IGSF21: variants seen among roughly 807,000 people sequenced by gnomAD.
IGSF21 encodes the protein immunoglobulin superfamily member 21.
A neutral mutation model predicts 46.8 loss-of-function variants in IGSF21; 28 were observed. The ratio of observed to expected loss-of-function variants is 0.60; its 90% CI spans 0.44 to 0.82. The LOEUF (loss-of-function observed/expected upper bound fraction) is 0.82, where lower values mean the gene tolerates loss of function less well. Ranked by LOEUF, IGSF21 falls within the 40% of genes least tolerant of loss-of-function variation. The pLI is 0.00. For synonymous variants in IGSF21, 284 were observed against 273.6 expected, an observed-to-expected ratio of 1.04 and a Z score of -0.38; for missense variants, 624 against 665.5, an observed-to-expected ratio of 0.94 and a Z score of 0.69.
chr1:18,340,658 A>T (rs1443146881), intron 4 of IGSF21, among the ~76,000 whole-genome samples: 1 of 152,224 alleles, frequency 6.6e-6, no homozygotes, highest in Non-Finnish European at 1.5e-5. Context: ...ATTGTCTCAC[A>T]GTGTTAGTCC....
chr1:18,244,670 G>T (rs1483341176), intron 2 of IGSF21, among the ~76,000 whole-genome samples: 3 of 152,194 alleles, frequency 2.0e-5, no homozygotes, highest in Non-Finnish European at 4.4e-5. Context: ...TGCCACAGAG[G>T]CCCCTGCCCT....
intron 1 of IGSF21, among the ~76,000 whole-genome samples, chr1:18,161,818 G>A (rs1022992033): frequency 6.6e-6 from 1 of 152,112 alleles, no homozygotes; most frequent in African/African-American, 2.4e-5. Flanking sequence ...CAAAGGCACA[G>A]AGGCTTGAAA....
intron 2 of IGSF21, among the ~76,000 whole-genome samples, chr1:18,265,217 C>T (rs998250056): frequency 6.6e-5 from 10 of 152,136 alleles, no homozygotes; most frequent in African/African-American, 2.2e-4. Flanking sequence ...TATCACCATC[C>T]AAATGCGTCA....
chr1:18,203,253 C>G (rs17435762), intron 1 of IGSF21, among the ~76,000 whole-genome samples: 1 of 151,996 alleles, frequency 6.6e-6, no homozygotes, highest in Admixed American at 6.6e-5. Flanking sequence ...CTCCTCAAGT[C>G]TAGGGACATG....
chr1:18,200,637 T>C (rs2087063363), intron 1 of IGSF21, among the ~76,000 whole-genome samples: 1 of 152,048 alleles, frequency 6.6e-6, no homozygotes, highest in African/African-American at 2.4e-5. Context: ...ATTCGGGCCC[T>C]TCTTCATCTT....
At chr1:18,359,238 A>T (rs1015848047) in intron 4 of IGSF21, among the ~76,000 whole-genome samples, 1 of 150,624 alleles carries the variant, frequency 6.6e-6, no homozygotes, top group African/African-American at 2.5e-5. Flanking sequence ...TGATTGTGCC[A>T]GTTCACTCCA....
At chr1:18,344,616 G>T (rs999549784) in intron 4 of IGSF21, among the ~76,000 whole-genome samples, 2 of 152,122 alleles carry the variant, frequency 1.3e-5, no homozygotes, top group African/African-American at 4.8e-5. Flanking sequence ...GGACAGCTGT[G>T]GGGGAAGTGG....
In IGSF21 at chr1:18,312,579, C is replaced by G. The variant is rs968751156; in HGVS notation, c.305+20592C>G. 5.3e-5 allele frequency among the ~76,000 whole-genome samples: 8 copies of G among 152,332 alleles called. No individual in the cohort carries two copies. The East Asian group carries it at 1.5e-3, about 29-fold the overall frequency. On this transcript the variant is annotated intron_variant, in intron 3 of 9. Transcript: ENST00000251296. Reference sequence around the variant, plus strand: ...CCTTTTGCAGCTTCTAGAGCCCACCCACATACCTTGGCTTGTGGCCTCTTT... The same window carrying G: ...CCTTTTGCAGCTTCTAGAGCCCACCGACATACCTTGGCTTGTGGCCTCTTT...
At chr1:18,124,410 C>T (rs1270217435) in intron 1 of IGSF21, among the ~76,000 whole-genome samples, 4 of 152,298 alleles carry the variant, frequency 2.6e-5, no homozygotes, top group Middle Eastern at 3.4e-3. Flanking sequence ...GTTAAGCCAC[C>T]GGCTAAGGGG....
chr1:18,137,804 C>T (rs11583067), intron 1 of IGSF21, among the ~76,000 whole-genome samples: 10,835 of 152,108 alleles, frequency 0.071, 567 homozygotes, highest in African/African-American at 0.14. Flanking sequence ...GCTTACTGTG[C>T]GCTGAGAAGT....
rs1013982626 is a variant in IGSF21, at chr1:18,356,037, G to A, written c.425-6078G>A. Among the ~76,000 whole-genome samples, 10 of 152,050 alleles carry A rather than the reference G, an allele frequency of 6.6e-5. 1 individual carries two copies. Among genetic ancestry groups the A allele is most frequent in the African/African-American group, 2.4e-4 (10 of 41,404 alleles). ...TTTAGTAGAGAGACGGTTTCTCCAT[G>A]TTGGCCAGGCTGGTCTTGAACTCCC... is the stretch of plus-strand genomic sequence containing the variant. On this transcript the variant is annotated intron_variant, in intron 4 of 9. Coordinates refer to ENST00000251296, the MANE Select transcript of IGSF21 (RefSeq NM_032880.5).
intron 4 of IGSF21, among the ~76,000 whole-genome samples, chr1:18,357,294 A>G: frequency 7.5e-6 from 1 of 134,130 alleles, no homozygotes; most frequent in Admixed American, 7.7e-5. Context: ...ATGAAGATGG[A>G]GTGGGGATGA....
At chr1:18,268,180 T>C (rs1353614389) in intron 2 of IGSF21, among the ~76,000 whole-genome samples, 2 of 152,234 alleles carry the variant, frequency 1.3e-5, no homozygotes, top group Non-Finnish European at 2.9e-5. Context: ...CCAACCCCTT[T>C]GTTTTAATCT....
chr1:18,377,420 A>G lies in IGSF21; in HGVS notation c.1322A>G (p.Glu441Gly). ...FENPNIPRGT[E>G]DSNGSIGPTG... is the part of the protein sequence containing the mutation. The stretch of plus-strand genomic sequence containing the variant: ...AACCCAAATATCCCAAGAGGAACGG[A>G]GGACTCTAATGGTAAGTCTCTACCC... Residue 441 changes from glutamate (E) to glycine (G), a missense_variant, in exon 9 of 10, where the codon GAG (glutamate) becomes GGG (glycine). Coordinates refer to ENST00000251296, the MANE Select transcript of IGSF21 (RefSeq NM_032880.5). 6.2e-7 allele frequency: 1 copy of G among 1,613,582 alleles called. No homozygotes were observed. The highest frequency in any genetic ancestry group is 8.5e-7 in the Non-Finnish European group (1 of 1,179,464).
intron 1 of IGSF21, among the ~76,000 whole-genome samples, chr1:18,119,217 T>A (rs548544287): frequency 1.3e-5 from 2 of 152,280 alleles, no homozygotes; most frequent in East Asian, 3.9e-4. Flanking sequence ...TTCCTGGGGG[T>A]CAGGCACTGT....
intron 2 of IGSF21, 100 bp from the exon 3 acceptor site, chr1:18,291,766 C>A: frequency 7.0e-7 from 1 of 1,428,658 alleles, no homozygotes; most frequent in Non-Finnish European, 9.7e-7. Flanking sequence ...GGCTGTCCTT[C>A]TTCTGGGCTT....
intron 3 of IGSF21, among the ~76,000 whole-genome samples, chr1:18,308,285 C>A (rs2085447889): frequency 6.6e-6 from 1 of 152,184 alleles, no homozygotes; most frequent in African/African-American, 2.4e-5. Context: ...CCTGGCCAGC[C>A]TTTCCAAGTG....
At chr1:18,175,929 C>T (rs1411804464) in intron 1 of IGSF21, among the ~76,000 whole-genome samples, 3 of 152,238 alleles carry the variant, frequency 2.0e-5, no homozygotes, top group Non-Finnish European at 4.4e-5. Context: ...CTGCTCCTGG[C>T]AGTAGATCAT....
chr1:18,129,531 C>T (rs1468564476), intron 1 of IGSF21, among the ~76,000 whole-genome samples: 1 of 152,190 alleles, frequency 6.6e-6, no homozygotes, highest in Admixed American at 6.5e-5. Context: ...GGTTATTGGC[C>T]TGGCCATGCC....
Sources: gnomAD v4.1 joint callset for allele counts (sites outside exome capture counted in the v4.1 genomes callset) on GRCh38, gnomAD v4.1.1 for gene constraint, MANE v1.5 for transcripts, NCBI Gene and HGNC (gene_info 2026-07-23, HGNC 2026-07-21) for gene names.